Variants in PTPRG observed in about 807,000 individuals in gnomAD.
PTPRG encodes protein tyrosine phosphatase receptor type G.
Under a neutral mutation model 165.3 loss-of-function variants are expected in PTPRG, and 102 were observed. The observed-to-expected ratio is 0.62, with a 90% CI of 0.53 to 0.73. The LOEUF (loss-of-function observed/expected upper bound fraction) is 0.73. Ranked by LOEUF, PTPRG falls within the 30% of genes least tolerant of loss-of-function variation. The pLI is 0.00. For missense variants in PTPRG, 1,866 were observed against 1,861.4 expected, an observed-to-expected ratio of 1.00 and a Z score of -0.05; for synonymous variants, 675 against 669.5, an observed-to-expected ratio of 1.01 and a Z score of -0.13.
intron 12 of PTPRG, among the ~76,000 whole-genome samples, chr3:62,208,614 A>G (rs1432362538): frequency 6.6e-6 from 1 of 152,066 alleles, no homozygotes; most frequent in Non-Finnish European, 1.5e-5. Context: ...CTGCATTTGC[A>G]TGGCCCATGA....
At chr3:62,123,995 A>G (rs899945410) in intron 5 of PTPRG, among the ~76,000 whole-genome samples, 3 of 152,206 alleles carry the variant, frequency 2.0e-5, no homozygotes, top group Admixed American at 6.5e-5. Flanking sequence ...AGTCTTTTTC[A>G]TAAATAACGA....
chr3:62,194,366 T>G (rs1699908167), intron 9 of PTPRG, among the ~76,000 whole-genome samples: 1 of 152,182 alleles, frequency 6.6e-6, no homozygotes, highest in Admixed American at 6.5e-5. Flanking sequence ...CTCCCCATTT[T>G]ACAGAAGATA....
chr3:62,114,186 C>T (rs1030328144), intron 5 of PTPRG, among the ~76,000 whole-genome samples: 14 of 152,122 alleles, frequency 9.2e-5, no homozygotes, highest in African/African-American at 3.4e-4. Context: ...GTAATCCCAG[C>T]TACTTGGGAG....
intron 4 of PTPRG, among the ~76,000 whole-genome samples, chr3:62,032,926 TA>T (rs1699816215): frequency 6.6e-6 from 1 of 152,174 alleles, no homozygotes; most frequent in Non-Finnish European, 1.5e-5. Flanking sequence ...GGCTTATCTA[TA>T]AATGCGCACC....
Position 61,786,257 on chromosome 3 carries a change from T to G in PTPRG, c.190+37275T>G, listed in dbSNP as rs554795375. On this transcript the variant is annotated intron_variant, in intron 2 of 29. Transcript: ENST00000474889. The stretch of plus-strand genomic sequence containing the variant: ...GCATTGGCCAATGGACACTTTAGCT[T>G]CTAAAAAATTCATTTTATTCTTCTT... 2.1e-4 allele frequency among the ~76,000 whole-genome samples: 32 copies of G among 152,218 alleles called. No individual in the cohort carries two copies. The South Asian group carries it at 2.7e-3, about 13-fold the overall frequency.
chr3:61,755,044 C>G (rs1041134143), intron 2 of PTPRG, among the ~76,000 whole-genome samples: 2 of 151,408 alleles, frequency 1.3e-5, no homozygotes, highest in Admixed American at 6.6e-5. Context: ...CAGATCTCAG[C>G]TCACTGCAAC....
chr3:62,191,705 G>C, intron 9 of PTPRG, 52 bp downstream of exon 9: 1 of 1,537,808 alleles, frequency 6.5e-7, no homozygotes, highest in Non-Finnish European at 8.9e-7. Context: ...AGGGACTCCT[G>C]CTGCAGCTCT....
At chr3:61,888,780 C>A (rs974158126) in intron 2 of PTPRG, among the ~76,000 whole-genome samples, 1 of 152,178 alleles carries the variant, frequency 6.6e-6, no homozygotes, top group Admixed American at 6.5e-5. Context: ...TCTTCCCAAG[C>A]CAGATCATAC....
intron 2 of PTPRG, among the ~76,000 whole-genome samples, chr3:61,864,420 G>A (rs1369916370): frequency 2.6e-5 from 4 of 152,040 alleles, no homozygotes; most frequent in African/African-American, 7.3e-5. Context: ...TGTCCCGATC[G>A]CTGAGTATGG....
chr3:61,574,718 G>A (rs1379918642), intron 1 of PTPRG, among the ~76,000 whole-genome samples: 1 of 152,170 alleles, frequency 6.6e-6, no homozygotes, highest in Non-Finnish European at 1.5e-5. Context: ...TTAGCTTACA[G>A]TTTTACAGGC....
chr3:62,242,137 C>T (rs1701172787), intron 14 of PTPRG, among the ~76,000 whole-genome samples: 1 of 152,156 alleles, frequency 6.6e-6, no homozygotes, highest in African/African-American at 2.4e-5. Context: ...CATAGATTTC[C>T]ATTGCTTTAC....
intron 1 of PTPRG, among the ~76,000 whole-genome samples, chr3:61,619,578 A>G (rs1026909549): frequency 1.3e-5 from 2 of 152,228 alleles, no homozygotes; most frequent in African/African-American, 4.8e-5. Flanking sequence ...ACACTGAACA[A>G]TGAGCCTCTA....
chr3:62,079,123 C>T (rs888515657), intron 5 of PTPRG, among the ~76,000 whole-genome samples: 1 of 152,198 alleles, frequency 6.6e-6, no homozygotes, highest in Non-Finnish European at 1.5e-5. Context: ...ACGTCTTTGA[C>T]ATCTGCCTTT....
At chr3:62,194,265 T>A (rs1393242263) in intron 9 of PTPRG, among the ~76,000 whole-genome samples, 1 of 152,222 alleles carries the variant, frequency 6.6e-6, no homozygotes, top group Non-Finnish European at 1.5e-5. Context: ...AGTGGCATTC[T>A]TTCTGTTGCT....
At chr3:61,641,293 A>G (rs554572314) in intron 1 of PTPRG, among the ~76,000 whole-genome samples, 2 of 152,292 alleles carry the variant, frequency 1.3e-5, no homozygotes, top group Admixed American at 6.5e-5. Flanking sequence ...GGGATGCAGC[A>G]GTGAATGGAA....
chr3:61,845,849 T>A (rs1292030775), intron 2 of PTPRG, among the ~76,000 whole-genome samples: 4 of 147,054 alleles, frequency 2.7e-5, no homozygotes, highest in African/African-American at 1.0e-4. Context: ...TGAGTGGAGG[T>A]TGTTTCCTAT....
chr3:61,718,682 G>A (rs1287939606), intron 1 of PTPRG, among the ~76,000 whole-genome samples: 1 of 152,206 alleles, frequency 6.6e-6, no homozygotes, highest in Admixed American at 6.5e-5. Context: ...CTTTTTTAAA[G>A]CAATTAGAAA....
At chr3:62,170,953 G>A (rs533455422) in intron 8 of PTPRG, among the ~76,000 whole-genome samples, 1 of 152,184 alleles carries the variant, frequency 6.6e-6, no homozygotes, top group East Asian at 1.9e-4. Context: ...ATCACTCTGT[G>A]TTCCCAAGGG....
In PTPRG at chr3:62,233,188, G is replaced by A. The variant is rs1700944562; in HGVS notation, c.2375+1877G>A. 1.3e-5 allele frequency among the ~76,000 whole-genome samples: 2 copies of A among 152,110 alleles called. No homozygotes were observed. Among genetic ancestry groups the A allele is most frequent in the Non-Finnish European group, 2.9e-5 (2 of 68,012 alleles). ...ACTCCACTGCAGCGGCGTGAATCCT[G>A]AGCAGTACCCCCTCTCACAGCTACA... On this transcript the variant is annotated intron_variant, in intron 14 of 29. Coordinates refer to ENST00000474889, the MANE Select transcript of PTPRG (RefSeq NM_002841.4). This position sits in a 1 kb window ranked among gnomAD's most constrained non-coding sequence, Gnocchi z 4.7.
Sources: allele counts gnomAD v4.1 joint callset (sites outside exome capture counted in the v4.1 genomes callset), GRCh38; gene constraint gnomAD v4.1.1; non-coding constraint Gnocchi (gnomAD v3.1); transcripts MANE v1.5; gene names NCBI Gene and HGNC (gene_info 2026-07-23, HGNC 2026-07-21).